Variants in ANKS1B observed in about 807,000 individuals in gnomAD.
ANKS1B encodes the protein ankyrin repeat and sterile alpha motif domain-containing protein 1B.
ANKS1B carries 36 observed loss-of-function variants against 148.3 expected under a neutral mutation model. That is an observed-to-expected ratio of 0.24 (90% confidence interval 0.19 to 0.32). The LOEUF (loss-of-function observed/expected upper bound fraction) is 0.32, where lower values mean the gene tolerates loss of function less well. Ranked by LOEUF, ANKS1B falls within the 10% of genes least tolerant of loss-of-function variation. The pLI is 1.00. For synonymous variants in ANKS1B, 542 were observed against 560.8 expected (o/e 0.97, Z 0.47); for missense variants, 1,157 against 1,542.6 (o/e 0.75, Z 4.19).
chr12:99,465,910 C>G (rs969616681), intron 10 of ANKS1B, among the ~76,000 whole-genome samples: 1 of 152,110 alleles, frequency 6.6e-6, no homozygotes. Context: ...CAAGAATACC[C>G]AGGAATTGAA....
At chr12:99,314,737 C>T (rs1256969953) in intron 12 of ANKS1B, among the ~76,000 whole-genome samples, 1 of 151,978 alleles carries the variant, frequency 6.6e-6, no homozygotes, top group African/African-American at 2.4e-5. Flanking sequence ...GAAATCGGAA[C>T]CCTTCCTTAT....
At chr12:99,568,563 A>G (rs927445928) in intron 9 of ANKS1B, among the ~76,000 whole-genome samples, 1 of 152,230 alleles carries the variant, frequency 6.6e-6, no homozygotes, top group Admixed American at 6.5e-5. Context: ...TGGGCTGATG[A>G]TAAAAATGCT....
chr12:99,718,286 C>T (rs564080728), intron 8 of ANKS1B, among the ~76,000 whole-genome samples: 2 of 152,262 alleles, frequency 1.3e-5, no homozygotes, highest in African/African-American at 4.8e-5. Context: ...AAATTATCTG[C>T]TTCCCTGACT....
intron 8 of ANKS1B, among the ~76,000 whole-genome samples, chr12:99,695,714 C>A (rs2053793599): frequency 6.6e-6 from 1 of 152,070 alleles, no homozygotes; most frequent in African/African-American, 2.4e-5. Flanking sequence ...GAACAACACT[C>A]ACTGGGGCCT....
chr12:99,497,806 C>A (rs950222259), intron 10 of ANKS1B, among the ~76,000 whole-genome samples: 1 of 151,962 alleles, frequency 6.6e-6, no homozygotes, highest in Non-Finnish European at 1.5e-5. Flanking sequence ...CCTCTTAAGA[C>A]TTGATCACCC....
chr12:98,736,565 C>T (rs1256068696), intron 9 of ANKS1B, among the ~76,000 whole-genome samples: 1 of 152,086 alleles, frequency 6.6e-6, no homozygotes, highest in African/African-American at 2.4e-5. Flanking sequence ...GAAAGCTCCA[C>T]CAGGAGGTAG....
At chr12:99,780,224 TA>T (rs1295765767) in intron 5 of ANKS1B, among the ~76,000 whole-genome samples, 1 of 152,052 alleles carries the variant, frequency 6.6e-6, no homozygotes, top group Non-Finnish European at 1.5e-5. Context: ...GATCATCAAT[TA>T]ACTCTTAAAG....
At chr12:99,746,642 G>A (rs1270598027) in intron 8 of ANKS1B, among the ~76,000 whole-genome samples, 1 of 152,098 alleles carries the variant, frequency 6.6e-6, no homozygotes, top group Non-Finnish European at 1.5e-5. Flanking sequence ...CTAGGACAGA[G>A]AGAGGTATAA....
chr12:99,233,812 G>GTAA (rs2087327310), intron 14 of ANKS1B, among the ~76,000 whole-genome samples: 1 of 152,096 alleles, frequency 6.6e-6, no homozygotes, highest in Non-Finnish European at 1.5e-5. Context: ...ACTAGTTGAT[G>GTAA]ACCCATAGAG....
chr12:99,115,626 G>T (rs1046724496), intron 15 of ANKS1B, among the ~76,000 whole-genome samples: 2 of 80,180 alleles, frequency 2.5e-5, no homozygotes, highest in African/African-American at 6.2e-5. Context: ...TAAAATAAAA[G>T]TTAAAAAAAA....
chr12:99,786,147 T>A (rs1290886510), intron 4 of ANKS1B, among the ~76,000 whole-genome samples: 1 of 152,254 alleles, frequency 6.6e-6, no homozygotes, highest in Non-Finnish European at 1.5e-5. Flanking sequence ...AATTTTGGAC[T>A]TGATTTCAGA....
chr12:99,637,952 G>A (rs557626809), intron 9 of ANKS1B, among the ~76,000 whole-genome samples: 7 of 151,982 alleles, frequency 4.6e-5, no homozygotes, highest in African/African-American at 1.2e-4. Context: ...GGGACCTGGT[G>A]GGAGGTAATT....
intron 8 of ANKS1B, among the ~76,000 whole-genome samples, chr12:99,759,333 C>A (rs369811838): frequency 6.6e-6 from 1 of 151,852 alleles, no homozygotes; most frequent in Non-Finnish European, 1.5e-5. Context: ...CTTTTACTTA[C>A]GATTATTGAT....
intron 8 of ANKS1B, among the ~76,000 whole-genome samples, chr12:99,730,378 A>G (rs1026659611): frequency 1.3e-5 from 2 of 152,126 alleles, no homozygotes; most frequent in Non-Finnish European, 2.9e-5. Context: ...TCTCTAAATG[A>G]CACCCTCACT....
At chr12:98,811,373 T>C (rs1468487846) in intron 19 of ANKS1B, among the ~76,000 whole-genome samples, 1 of 152,138 alleles carries the variant, frequency 6.6e-6, no homozygotes, top group Admixed American at 6.5e-5. Context: ...ACACACATCC[T>C]TGTCACACAG....
intron 10 of ANKS1B, among the ~76,000 whole-genome samples, chr12:99,452,900 A>T (rs2095771232): frequency 6.6e-6 from 1 of 152,234 alleles, no homozygotes; most frequent in Non-Finnish European, 1.5e-5. Flanking sequence ...GACAGCCTCT[A>T]GGATGGTCCC....
intron 11 of ANKS1B, among the ~76,000 whole-genome samples, chr12:99,441,424 G>A (rs2095548192): frequency 6.6e-6 from 1 of 151,740 alleles, no homozygotes; most frequent in African/African-American, 2.4e-5. Context: ...ATTTCCATGT[G>A]AATATACTAC....
At chr12:98,910,083 T>C (rs191903773) in intron 17 of ANKS1B, among the ~76,000 whole-genome samples, 24 of 152,322 alleles carry the variant, frequency 1.6e-4, no homozygotes, top group Middle Eastern at 3.4e-3. Flanking sequence ...ACTCCAAGCC[T>C]ATCTGGGCTT....
intron 9 of ANKS1B, among the ~76,000 whole-genome samples, chr12:99,591,212 T>C (rs1187135408): frequency 6.6e-6 from 1 of 152,100 alleles, no homozygotes; most frequent in Non-Finnish European, 1.5e-5. Flanking sequence ...CCAATGAGAA[T>C]TATGAAATTT....
Sources: allele counts gnomAD v4.1 joint callset (sites outside exome capture counted in the v4.1 genomes callset), GRCh38; gene constraint gnomAD v4.1.1; transcripts MANE v1.5; gene names NCBI Gene and HGNC (gene_info 2026-07-23, HGNC 2026-07-21).